The following NRG1 variants were observed in gnomAD, a reference collection of about 807,000 sequenced individuals.
NRG1 encodes the protein pro-neuregulin-1, membrane-bound isoform.
In NRG1, 18 loss-of-function variants were observed where a neutral mutation model predicts 63.8. The observed-to-expected ratio is 0.28, with a 90% CI of 0.19 to 0.42. NRG1 has a LOEUF of 0.42. Ranked by LOEUF, NRG1 falls within the 10% of genes least tolerant of loss-of-function variation. The pLI is 1.00. For synonymous variants in NRG1, 302 were observed against 301.3 expected, an observed-to-expected ratio of 1.00 and a Z score of -0.02; for missense variants, 762 against 814.7, an observed-to-expected ratio of 0.94 and a Z score of 0.79.
At chr8:31,670,285 C>T (rs1004467240) in intron 1 of NRG1, among the ~76,000 whole-genome samples, 3 of 152,080 alleles carry the variant, frequency 2.0e-5, no homozygotes, top group East Asian at 1.9e-4. Context: ...TGTTCTAGTT[C>T]CTTTGCTTTT....
chr8:32,113,091 C>T (rs1832246795), intron 1 of NRG1, among the ~76,000 whole-genome samples: 1 of 152,228 alleles, frequency 6.6e-6, no homozygotes, highest in Non-Finnish European at 1.5e-5. Flanking sequence ...CTGGGCAGGC[C>T]ACATACCACG....
At chr8:32,234,188 C>T (rs1197761418) in intron 1 of NRG1, among the ~76,000 whole-genome samples, 1 of 152,156 alleles carries the variant, frequency 6.6e-6, no homozygotes, top group Non-Finnish European at 1.5e-5. Context: ...AAATCTTTCT[C>T]TTTCTAACTT....
chr8:32,131,397 A>G (rs1834805419), intron 1 of NRG1, among the ~76,000 whole-genome samples: 1 of 152,022 alleles, frequency 6.6e-6, no homozygotes, highest in Admixed American at 6.6e-5. Flanking sequence ...TACCTTCTTT[A>G]AACTGCAGGG....
Position 32,232,790 on chromosome 8 carries a change from G to A in NRG1, c.38-363038G>A, listed in dbSNP as rs369422517. On this transcript the variant is annotated intron_variant, in intron 1 of 10. Transcript: ENST00000519301. ...GATATTGCCTAACAAACATTACTCAGGATCCCTTACATAAAAACCTCCATG... is the reference window on the plus strand; with the variant it reads ...GATATTGCCTAACAAACATTACTCAAGATCCCTTACATAAAAACCTCCATG... 5.3e-5 allele frequency among the ~76,000 whole-genome samples: 8 copies of A among 151,978 alleles called. No individual in the cohort carries two copies. The South Asian group carries it at 8.3e-4, about 16-fold the overall frequency.
At chr8:31,775,303 G>A (rs1819012344) in intron 1 of NRG1, among the ~76,000 whole-genome samples, 1 of 152,162 alleles carries the variant, frequency 6.6e-6, no homozygotes, top group African/African-American at 2.4e-5. Flanking sequence ...CAACAGGTAT[G>A]AACCTGGAGG....
At chr8:32,713,912 C>T (rs1159730675) in intron 5 of NRG1, among the ~76,000 whole-genome samples, 1 of 151,644 alleles carries the variant, frequency 6.6e-6, no homozygotes, top group Admixed American at 6.6e-5. Flanking sequence ...GCAACTTCTG[C>T]TTCTAGGGTT....
intron 1 of NRG1, among the ~76,000 whole-genome samples, chr8:32,190,533 TTTA>T (rs1469874699): frequency 6.6e-6 from 1 of 152,218 alleles, no homozygotes; most frequent in Non-Finnish European, 1.5e-5. Context: ...CAACTCTATT[TTTA>T]TTAAGTACTC....
At chr8:32,681,807 G>T (rs749951929) in intron 5 of NRG1, among the ~76,000 whole-genome samples, 5 of 152,062 alleles carry the variant, frequency 3.3e-5, no homozygotes, top group African/African-American at 1.2e-4. Flanking sequence ...TGAAACAGAC[G>T]GCGACCCATT....
chr8:31,951,785 A>G (rs1803506028), intron 1 of NRG1, among the ~76,000 whole-genome samples: 1 of 152,232 alleles, frequency 6.6e-6, no homozygotes, highest in Non-Finnish European at 1.5e-5. Context: ...AGTAGAAAGT[A>G]GAATATACTA....
Position 32,374,871 on chromosome 8 carries a change from G to A in NRG1, c.38-220957G>A, listed in dbSNP as rs185799254. 1.4e-4 allele frequency among the ~76,000 whole-genome samples: 22 copies of A among 152,204 alleles called. No homozygotes were observed. The East Asian group carries it at 4.1e-3, about 28-fold the overall frequency. ...TATCTTCTGGGGGATAGTGGAGGAG[G>A]GTTGTAACCACCCCAAGTCCTTGAG... On this transcript the variant is annotated intron_variant, in intron 1 of 10. Transcript: ENST00000519301.
At chr8:31,639,982 A>G in intron 1 of NRG1, 1 of 1,128,884 alleles carries the variant, frequency 8.9e-7, no homozygotes, top group Non-Finnish European at 1.1e-6. Context: ...CGCACCTCGC[A>G]CCATGAGATG....
intron 1 of NRG1, among the ~76,000 whole-genome samples, chr8:32,045,328 A>G (rs564827604): frequency 6.6e-6 from 1 of 152,052 alleles, no homozygotes; most frequent in Admixed American, 6.6e-5. Flanking sequence ...AAAAAATCAT[A>G]GATGACCTAA....
rs557002030 is a variant in NRG1 at position 32,673,658 on chromosome 8, G to A, written c.503-54291G>A. On this transcript the variant is annotated intron_variant, in intron 5 of 11. Coordinates refer to ENST00000356819, the Ensembl canonical transcript of NRG1. ...TCCATGTGGTCTTTTCTTATCTAGA[G>A]ATAGTAAGTCAGGCATCTACAGGAA... Among the ~76,000 whole-genome samples the A allele has an allele frequency of 5.9e-5, 9 of 152,258 alleles. No individual in the cohort carries two copies. The South Asian group carries it at 1.9e-3, about 32-fold the overall frequency.
At chr8:32,671,000 A>T (rs1021803994) in intron 5 of NRG1, among the ~76,000 whole-genome samples, 1 of 152,134 alleles carries the variant, frequency 6.6e-6, no homozygotes, top group Non-Finnish European at 1.5e-5. Flanking sequence ...CTAGACCCAG[A>T]TTTCTGTTAG....
intron 1 of NRG1, among the ~76,000 whole-genome samples, chr8:32,095,814 A>C (rs939065958): frequency 6.6e-6 from 1 of 152,218 alleles, no homozygotes; most frequent in Non-Finnish European, 1.5e-5. Flanking sequence ...TTTTTAAAGA[A>C]GGAAAAATAT....
At chr8:32,533,143 A>G (rs1401209168) in intron 1 of NRG1, among the ~76,000 whole-genome samples, 1 of 152,040 alleles carries the variant, frequency 6.6e-6, no homozygotes, top group African/African-American at 2.4e-5. Flanking sequence ...CTGTGTATAT[A>G]TAATATAAAT....
intron 1 of NRG1, among the ~76,000 whole-genome samples, chr8:31,986,272 G>A (rs192333646): frequency 6.6e-6 from 1 of 152,152 alleles, no homozygotes; most frequent in Admixed American, 6.5e-5. Context: ...GGCTTGTGAG[G>A]AGTGCAAAAG....
intron 1 of NRG1, among the ~76,000 whole-genome samples, chr8:32,391,672 T>C (rs1811783638): frequency 6.6e-6 from 1 of 152,234 alleles, no homozygotes; most frequent in Non-Finnish European, 1.5e-5. Context: ...ACTCCATCCA[T>C]GTTCCTAGAA....
Position 32,400,566 on chromosome 8 carries a change from A to G in NRG1, c.38-195262A>G, listed in dbSNP as rs189461262. On this transcript the variant is annotated intron_variant, in intron 1 of 10. Coordinates refer to the NRG1 transcript ENST00000519301. Reference sequence around the variant, plus strand: ...AAATTACCCAATATCACTGATCATCAGAGAGATGCAAATCAAATCCACAAT... The same window carrying G: ...AAATTACCCAATATCACTGATCATCGGAGAGATGCAAATCAAATCCACAAT... Among the ~76,000 whole-genome samples, 19 of 152,330 alleles carry G rather than the reference A, an allele frequency of 1.2e-4. No individual in the cohort carries two copies. In the East Asian group the frequency reaches 3.7e-3, roughly 29 times the overall value.
Sources: allele counts gnomAD v4.1 joint callset (sites outside exome capture counted in the v4.1 genomes callset), GRCh38; gene constraint gnomAD v4.1.1; transcripts MANE v1.5; gene names NCBI Gene and HGNC (gene_info 2026-07-23, HGNC 2026-07-21).